Variants in AGBL1 observed in about 807,000 individuals in gnomAD.
AGBL1 encodes the protein AGBL carboxypeptidase 1.
In AGBL1, 130 loss-of-function variants were observed where a neutral mutation model predicts 118.9. The ratio of observed to expected loss-of-function variants is 1.09; its 90% CI spans 0.95 to 1.26. The LOEUF is 1.26. AGBL1 is among the 50% of genes most tolerant of loss of function. The pLI, the probability that AGBL1 is intolerant of heterozygous loss-of-function variation, is 0.00. For missense variants in AGBL1, 1,584 were observed against 1,298.1 expected (o/e 1.22, Z -3.38); for synonymous variants, 555 against 478.9 (o/e 1.16, Z -2.08).
At chr15:86,281,027 G>T (rs887356453) in intron 16 of AGBL1, among the ~76,000 whole-genome samples, 2 of 152,164 alleles carry the variant, frequency 1.3e-5, no homozygotes, top group Admixed American at 6.5e-5. Flanking sequence ...CACAGAACAG[G>T]CAACATTCAT....
chr15:86,223,643 T>C (rs1303427869), intron 5 of AGBL1, among the ~76,000 whole-genome samples: 1 of 152,144 alleles, frequency 6.6e-6, no homozygotes, highest in Non-Finnish European at 1.5e-5. Context: ...CCTCGCCCTC[T>C]TTTAACTGCC....
chr15:86,263,010 C>T, intron 10 of AGBL1, 116 bp downstream of exon 10: 4 of 720,914 alleles, frequency 5.5e-6, no homozygotes, highest in Non-Finnish European at 4.7e-6. Flanking sequence ...TAGCCATATG[C>T]TTCTGGGCTC....
intron 18 of AGBL1, among the ~76,000 whole-genome samples, chr15:86,446,931 TAAAG>T (rs1181485512): frequency 6.6e-6 from 1 of 152,194 alleles, no homozygotes; most frequent in Non-Finnish European, 1.5e-5. Context: ...CAGAAGCAAA[TAAAG>T]GAAGAGACAG....
intron 19 of AGBL1, among the ~76,000 whole-genome samples, chr15:86,544,392 G>C (rs115986060): frequency 6.6e-6 from 1 of 152,086 alleles, no homozygotes; most frequent in African/African-American, 2.4e-5. Context: ...CATCATATTT[G>C]CTCAGTCTTA....
chr15:86,707,761 CTA>C (rs1298197044), intron 22 of AGBL1, among the ~76,000 whole-genome samples: 2 of 152,110 alleles, frequency 1.3e-5, no homozygotes, highest in Non-Finnish European at 2.9e-5. Context: ...TTCTGAAAGA[CTA>C]TTGTTATCAT....
chr15:86,270,462 A>G (rs556072992), intron 14 of AGBL1, among the ~76,000 whole-genome samples: 7 of 152,328 alleles, frequency 4.6e-5, no homozygotes, highest in Non-Finnish European at 8.8e-5. Flanking sequence ...CATTCTTAGA[A>G]AGCTCTTGAA....
At chr15:86,443,476 C>T (rs994874211) in intron 18 of AGBL1, among the ~76,000 whole-genome samples, 2 of 152,118 alleles carry the variant, frequency 1.3e-5, no homozygotes, top group Non-Finnish European at 2.9e-5. Context: ...AAAATTCAAG[C>T]TATTTAAAAA....
intron 22 of AGBL1, among the ~76,000 whole-genome samples, chr15:86,837,194 A>G (rs1296863146): frequency 6.6e-6 from 1 of 151,434 alleles, no homozygotes; most frequent in Non-Finnish European, 1.5e-5. Context: ...CACTTTTATT[A>G]CAGGCTGTTC....
At chr15:86,323,760 A>G (rs910292553) in intron 17 of AGBL1, among the ~76,000 whole-genome samples, 2 of 152,178 alleles carry the variant, frequency 1.3e-5, no homozygotes, top group Non-Finnish European at 2.9e-5. Flanking sequence ...TGTCAGTGTG[A>G]CTTCTGAAAC....
chr15:86,552,151 G>A (rs2083671831), intron 20 of AGBL1, among the ~76,000 whole-genome samples: 1 of 152,118 alleles, frequency 6.6e-6, no homozygotes, highest in Admixed American at 6.6e-5. Flanking sequence ...GAGTGATGAT[G>A]TTTCTATGTA....
chr15:86,674,535 C>T (rs1164255069), intron 22 of AGBL1, 99 bp downstream of exon 22: 1 of 1,227,056 alleles, frequency 8.1e-7, no homozygotes, highest in Admixed American at 2.6e-5. Context: ...GGTCTTTACA[C>T]AGAGAAAATA....
intron 1 of AGBL1, among the ~76,000 whole-genome samples, chr15:86,098,410 C>G (rs1050847350): frequency 6.6e-6 from 1 of 152,044 alleles, no homozygotes; most frequent in Non-Finnish European, 1.5e-5. Context: ...TAAAGTGTCT[C>G]CCCTAAGGTT....
At chr15:86,475,699 A>G (rs1312709793) in intron 18 of AGBL1, among the ~76,000 whole-genome samples, 4 of 152,238 alleles carry the variant, frequency 2.6e-5, no homozygotes, top group African/African-American at 4.8e-5. Context: ...GCAGGCCAAC[A>G]TTCAAATTCA....
intron 22 of AGBL1, among the ~76,000 whole-genome samples, chr15:86,851,906 T>C (rs2079412147): frequency 6.6e-6 from 1 of 152,194 alleles, no homozygotes; most frequent in Non-Finnish European, 1.5e-5. Flanking sequence ...TGAATGGTTT[T>C]CCTGCAGCAG....
intron 21 of AGBL1, among the ~76,000 whole-genome samples, chr15:86,662,532 G>A (rs2085563430): frequency 6.6e-6 from 1 of 152,168 alleles, no homozygotes; most frequent in Non-Finnish European, 1.5e-5. Context: ...GCTGGAGAGT[G>A]TATTTTGGAG....
At chr15:86,349,577 A>C (rs1567211773) in intron 17 of AGBL1, among the ~76,000 whole-genome samples, 1 of 152,166 alleles carries the variant, frequency 6.6e-6, no homozygotes, top group Non-Finnish European at 1.5e-5. Flanking sequence ...TTTAATGTTA[A>C]TTGATATGTA....
At chr15:86,305,548 T>C (rs1470298500) in intron 17 of AGBL1, among the ~76,000 whole-genome samples, 1 of 152,212 alleles carries the variant, frequency 6.6e-6, no homozygotes, top group Admixed American at 6.5e-5. Context: ...TTTTTATATT[T>C]CATGTCTAAA....
chr15:86,269,858 T>TG, intron 13 of AGBL1, 61 bp from the exon 14 acceptor site: 8 of 1,564,842 alleles, frequency 5.1e-6, no homozygotes, highest in Admixed American at 1.8e-5. Context: ...AGATTCTTAG[T>TG]GTCTGAAGTT....
chr15:86,737,917 A>G (rs1248241889), intron 22 of AGBL1, among the ~76,000 whole-genome samples: 2 of 150,888 alleles, frequency 1.3e-5, no homozygotes, highest in East Asian at 2.0e-4. Context: ...AATCAAATCA[A>G]ATAACATATC....
Sources: allele counts gnomAD v4.1 joint callset (sites outside exome capture counted in the v4.1 genomes callset), GRCh38; gene constraint gnomAD v4.1.1; transcripts MANE v1.5; gene names NCBI Gene and HGNC (gene_info 2026-07-23, HGNC 2026-07-21).